ARHGEF6: variants seen among roughly 807,000 people sequenced by gnomAD.
ARHGEF6 encodes the protein rho guanine nucleotide exchange factor 6.
ARHGEF6 carries 9 observed loss-of-function variants against 70.3 expected under a neutral mutation model. The observed-to-expected ratio is 0.13, with a 90% CI of 0.08 to 0.22. The LOEUF (loss-of-function observed/expected upper bound fraction) is 0.22, where lower values mean the gene tolerates loss of function less well. ARHGEF6 is among the 10% of genes least tolerant of loss of function. The pLI is 1.00. For missense variants in ARHGEF6, 470 were observed against 563.0 expected (o/e 0.83, Z 1.67); for synonymous variants, 201 against 207.8 (o/e 0.97, Z 0.28).
At chrX:136,745,375 A>G (rs2148661575) in intron 3 of ARHGEF6, 28 bp from the exon 4 acceptor site, 1 of 1,208,930 alleles carries the variant, frequency 8.3e-7, no homozygotes, top group East Asian at 3.0e-5. Flanking sequence ...GGCATGTTAA[A>G]GGAACCACTC....
chrX:136,701,974 T>C (rs1158119882), intron 9 of ARHGEF6, among the ~76,000 whole-genome samples: 1 of 111,479 alleles, frequency 9.0e-6, no homozygotes, highest in African/African-American at 3.3e-5. Flanking sequence ...CCCAAAGTGC[T>C]GGGATTACAG....
chrX:136,693,701 G>A (rs2076481299), intron 9 of ARHGEF6, among the ~76,000 whole-genome samples: 1 of 112,237 alleles, frequency 8.9e-6, no homozygotes, highest in African/African-American at 3.2e-5. Context: ...GAAAGCTGAA[G>A]AAAGCTATGT....
intron 2 of ARHGEF6, among the ~76,000 whole-genome samples, chrX:136,758,309 C>T (rs1006300312): frequency 9.1e-6 from 1 of 109,421 alleles, no homozygotes; most frequent in South Asian, 3.9e-4. Flanking sequence ...CCTCGGCCTC[C>T]GAAAGTGCTG....
intron 1 of ARHGEF6, among the ~76,000 whole-genome samples, chrX:136,780,062 A>C (rs2077435259): frequency 8.9e-6 from 1 of 112,067 alleles, no homozygotes; most frequent in African/African-American, 3.2e-5. Context: ...TTGTACCTTT[A>C]AGCTTACTTA....
intron 6 of ARHGEF6, among the ~76,000 whole-genome samples, chrX:136,728,597 C>T (rs2076895430): frequency 9.4e-6 from 1 of 106,298 alleles, no homozygotes; most frequent in Admixed American, 9.8e-5. Context: ...TCATCACATC[C>T]TGTAAGCTTG....
At chrX:136,727,381 C>A (rs1603346219) in intron 6 of ARHGEF6, among the ~76,000 whole-genome samples, 1 of 72,678 alleles carries the variant, frequency 1.4e-5, no homozygotes, top group African/African-American at 5.5e-5. Flanking sequence ...TTCTTTCTTT[C>A]TTTCTTTCTT....
intron 8 of ARHGEF6, among the ~76,000 whole-genome samples, chrX:136,707,948 A>G (rs1360536460): frequency 4.5e-5 from 5 of 112,122 alleles, no homozygotes; most frequent in Non-Finnish European, 9.4e-5. Flanking sequence ...CTAGCTAGCC[A>G]TCAAAAATGT....
chrX:136,711,762 T>A (rs1286380611), intron 7 of ARHGEF6, among the ~76,000 whole-genome samples: 1 of 111,488 alleles, frequency 9.0e-6, no homozygotes, highest in Non-Finnish European at 1.9e-5. Flanking sequence ...GGTTTCGCCA[T>A]GTTGCCCAGA....
intron 7 of ARHGEF6, among the ~76,000 whole-genome samples, chrX:136,710,330 C>CATATATA (rs1556260227): frequency 2.1e-4 from 18 of 87,562 alleles, no homozygotes; most frequent in Admixed American, 4.3e-4. Flanking sequence ...ATATATTATA[C>CATATATA]ATATATATAT....
intron 9 of ARHGEF6, among the ~76,000 whole-genome samples, chrX:136,694,346 C>G (rs940228956): frequency 8.9e-6 from 1 of 112,255 alleles, no homozygotes; most frequent in African/African-American, 3.2e-5. Context: ...AGCCACCGCG[C>G]CCGGCCTTGT....
intron 11 of ARHGEF6, among the ~76,000 whole-genome samples, chrX:136,687,293 G>T (rs1360885432): frequency 8.9e-6 from 1 of 111,920 alleles, no homozygotes; most frequent in African/African-American, 3.2e-5. Flanking sequence ...CACTTATAAT[G>T]CTACAGAATT....
chrX:136,667,691 T>C lies in ARHGEF6; in HGVS notation c.*338A>G. On this transcript the variant is annotated 3_prime_UTR_variant, in exon 22 of 22. Transcript: ENST00000250617. ...GAGGCACTGTGAACTGAAGGCAATC[T>C]GAAGACCTTTTAAGTAACTGGCCTG... 1 of 275,212 alleles carries C rather than the reference T, an allele frequency of 3.6e-6. No homozygotes were observed. 22.7% of individuals were successfully genotyped at this position (275,212 alleles called of 1,213,427 possible). A position where few individuals can be genotyped will look rare whatever the true frequency, so the allele number is the denominator to read the frequency against.
intron 7 of ARHGEF6, among the ~76,000 whole-genome samples, chrX:136,710,614 T>C (rs2076675442): frequency 9.1e-6 from 1 of 109,485 alleles, no homozygotes; most frequent in Non-Finnish European, 1.9e-5. Context: ...TGGGGGCTTA[T>C]CTGGCCCCTT....
chrX:136,688,106 T>C lies in ARHGEF6; in HGVS notation c.1186-115A>G, dbSNP rs1420435902. 4 of 556,353 alleles carry C rather than the reference T, an allele frequency of 7.2e-6. No homozygotes were observed. In the Admixed American group the frequency reaches 9.8e-5, roughly 14 times the overall value. 45.8% of individuals were successfully genotyped at this position (556,353 alleles called of 1,213,427 possible). On this transcript the variant is annotated intron_variant, in intron 10 of 21. Transcript: ENST00000250617. ...AAGATAGCAAGAGAATTTTGGGGGA[T>C]GATGGAACTGTTCTGTATTTTAATT... is the stretch of plus-strand genomic sequence containing the variant.
intron 12 of ARHGEF6, among the ~76,000 whole-genome samples, chrX:136,684,261 A>G (rs2076361769): frequency 9.0e-6 from 1 of 110,844 alleles, no homozygotes; most frequent in South Asian, 3.7e-4. Context: ...TTGTCTTTTT[A>G]TTTTTTCTGG....
At chrX:136,679,024 C>T (rs761324157) in intron 16 of ARHGEF6, among the ~76,000 whole-genome samples, 1 of 112,038 alleles carries the variant, frequency 8.9e-6, no homozygotes, top group Admixed American at 9.5e-5. Context: ...CTCTGAGAAG[C>T]CTCTTTTTAA....
intron 2 of ARHGEF6, among the ~76,000 whole-genome samples, chrX:136,769,395 A>G (rs1276563902): frequency 9.0e-6 from 1 of 111,616 alleles, no homozygotes; most frequent in Non-Finnish European, 1.9e-5. Flanking sequence ...TGGGTGACAG[A>G]GCGAGACTCC....
intron 6 of ARHGEF6, among the ~76,000 whole-genome samples, chrX:136,715,551 T>C (rs1299952655): frequency 3.6e-5 from 4 of 110,149 alleles, no homozygotes; most frequent in Non-Finnish European, 5.7e-5. Context: ...ACTCCAAAAA[T>C]TGGAGAAACA....
At chrX:136,708,322 T>C (rs5975781) in intron 8 of ARHGEF6, among the ~76,000 whole-genome samples, 3,019 of 107,769 alleles carry the variant, frequency 0.028, 107 homozygotes, top group African/African-American at 0.097. Flanking sequence ...ATGGCGCATG[T>C]ATACCTATGT....
Sources: allele counts gnomAD v4.1 joint callset (sites outside exome capture counted in the v4.1 genomes callset), GRCh38; gene constraint gnomAD v4.1.1; transcripts MANE v1.5; gene names NCBI Gene and HGNC (gene_info 2026-07-23, HGNC 2026-07-21).